Variants in PKHD1 observed in about 807,000 individuals in gnomAD.
PKHD1 encodes the protein fibrocystin.
Under a neutral mutation model 412.0 loss-of-function variants are expected in PKHD1, and 291 were observed. The ratio of observed to expected loss-of-function variants is 0.71; its 90% CI spans 0.64 to 0.78. The LOEUF is 0.78. PKHD1 is among the 30% of genes least tolerant of loss of function. The pLI, the probability that PKHD1 is intolerant of heterozygous loss-of-function variation, is 0.00. For synonymous variants in PKHD1, 1,777 were observed against 1,821.5 expected (o/e 0.98, Z 0.62); for missense variants, 4,825 against 4,950.7 (o/e 0.97, Z 0.76).
Position 52,065,988 on chromosome 6 carries a change from C to T in PKHD1, c.868G>A (p.Val290Ile), listed in dbSNP as rs773123823. ...TGDFFDNSAQ[V>I]TIAGIPCDIR... ...TCATCATAGTTACCTGCAATGGTAACCTGGGCAGAATTGTCAAAAAAGTCT... is the reference window on the plus strand; with the variant it reads ...TCATCATAGTTACCTGCAATGGTAATCTGGGCAGAATTGTCAAAAAAGTCT... The change falls in exon 12 of 67, where the codon GTT becomes ATT. Residue 290 changes from valine to isoleucine, a missense_variant. Physicochemically the swap from Val to Ile is conservative, Grantham distance 29. Transcript: ENST00000371117. The T allele has an allele frequency of 1.7e-5, 26 of 1,546,894 alleles. No homozygotes were observed. The Admixed American group carries it at 4.0e-4, about 24-fold the overall frequency.
chr6:51,814,726 G>A (rs2151418967), intron 52 of PKHD1, among the ~76,000 whole-genome samples: 1 of 152,324 alleles, frequency 6.6e-6, no homozygotes, highest in East Asian at 1.9e-4. Context: ...GGTGTGGGAG[G>A]AGGGAGGAGG....
intron 49 of PKHD1, among the ~76,000 whole-genome samples, chr6:51,853,094 C>G (rs372889738): frequency 1.3e-5 from 2 of 152,098 alleles, no homozygotes; most frequent in African/African-American, 4.8e-5. Flanking sequence ...TCTTGCAGGG[C>G]AGGTCTGGTG....
At chr6:52,085,762 C>G (rs1170582193) in intron 1 of PKHD1, among the ~76,000 whole-genome samples, 2 of 152,106 alleles carry the variant, frequency 1.3e-5, no homozygotes, top group Non-Finnish European at 2.9e-5. Context: ...AGGTCCCACA[C>G]AGCGCTCAGT....
chr6:51,934,908 A>G (rs1287182907), intron 36 of PKHD1, among the ~76,000 whole-genome samples: 1 of 152,168 alleles, frequency 6.6e-6, no homozygotes, highest in Non-Finnish European at 1.5e-5. Flanking sequence ...AGAGTCACAT[A>G]CTCGGGCTTT....
At chr6:52,066,325 C>A (rs1809698166) in intron 11 of PKHD1, among the ~76,000 whole-genome samples, 1 of 152,068 alleles carries the variant, frequency 6.6e-6, no homozygotes, top group South Asian at 2.1e-4. Flanking sequence ...ATGGTATCAG[C>A]AAAAGCCCCT....
At chr6:52,080,275 T>C (rs1285052200) in intron 4 of PKHD1, among the ~76,000 whole-genome samples, 2 of 152,236 alleles carry the variant, frequency 1.3e-5, no homozygotes, top group Non-Finnish European at 2.9e-5. Flanking sequence ...CATAGGTTCA[T>C]TGGACTTTAA....
chr6:51,636,331 G>T (rs1768563127), intron 64 of PKHD1, among the ~76,000 whole-genome samples: 1 of 151,904 alleles, frequency 6.6e-6, no homozygotes, highest in Non-Finnish European at 1.5e-5. Context: ...TGAGCCCAGG[G>T]GTTTAAGACC....
intron 53 of PKHD1, among the ~76,000 whole-genome samples, chr6:51,790,808 T>C (rs905052095): frequency 2.0e-5 from 3 of 152,220 alleles, no homozygotes; most frequent in Admixed American, 2.0e-4. Flanking sequence ...TTCAAGTCTG[T>C]TTTCCCAGGA....
chr6:51,885,801 G>A, intron 45 of PKHD1, 66 bp downstream of exon 45: 1 of 1,038,106 alleles, frequency 9.6e-7, no homozygotes, highest in Non-Finnish European at 1.5e-6. Flanking sequence ...GAATTGCTGT[G>A]AGAAAACAAG....
At chr6:51,784,794 T>C (rs1792602393) in intron 53 of PKHD1, among the ~76,000 whole-genome samples, 1 of 152,152 alleles carries the variant, frequency 6.6e-6, no homozygotes, top group Non-Finnish European at 1.5e-5. Flanking sequence ...TCGGGACCTT[T>C]GCACTAGCTC....
chr6:52,069,497 G>C lies in PKHD1; in HGVS notation c.738C>G (p.Ile246Met). 4 of 1,613,418 alleles carry C rather than the reference G, an allele frequency of 2.5e-6. No individual in the cohort carries two copies. Among genetic ancestry groups the C allele is most frequent in the Non-Finnish European group, 3.4e-6 (4 of 1,179,358 alleles). Residue 246 changes from isoleucine (I) to methionine (M), a missense_variant, in exon 11 of 67, where the codon ATC becomes ATG. Physicochemically the swap from Ile to Met is conservative, Grantham distance 10 (BLOSUM62 1). Coordinates refer to ENST00000371117, the MANE Select transcript of PKHD1 (RefSeq NM_138694.4). ...KSMVHKKAWLISAKQDLFLYQ... is the reference protein window; with the variant it reads ...KSMVHKKAWLMSAKQDLFLYQ... ...ATAGGAAAAGATCCTGTTTAGCACT[G>C]ATCAGCCATGCCTTCTTGTGGACCA...
At chr6:51,999,234 C>A (rs1798070187) in intron 35 of PKHD1, among the ~76,000 whole-genome samples, 1 of 152,186 alleles carries the variant, frequency 6.6e-6, no homozygotes, top group South Asian at 2.1e-4. Flanking sequence ...AAGGTCATTT[C>A]TATCTCCAAG....
intron 52 of PKHD1, among the ~76,000 whole-genome samples, chr6:51,808,332 A>T (rs756745821): frequency 2.0e-5 from 3 of 152,172 alleles, no homozygotes; most frequent in Admixed American, 6.5e-5. Flanking sequence ...TCTTCAGGAA[A>T]TGAAACTGGC....
chr6:51,993,106 C>T (rs1411875710), intron 35 of PKHD1, among the ~76,000 whole-genome samples: 1 of 152,240 alleles, frequency 6.6e-6, no homozygotes, highest in Non-Finnish European at 1.5e-5. Context: ...ATGGTATCTT[C>T]CCCGTGACAA....
At chr6:51,721,992 T>C in intron 60 of PKHD1, 1 of 1,613,614 alleles carries the variant, frequency 6.2e-7, no homozygotes, top group South Asian at 1.1e-5. Context: ...TCCTCTATTC[T>C]GAAATCTTCA....
intron 60 of PKHD1, among the ~76,000 whole-genome samples, chr6:51,663,621 T>C (rs182045004): frequency 6.6e-6 from 1 of 152,172 alleles, no homozygotes; most frequent in South Asian, 2.1e-4. Flanking sequence ...CTGATTGATA[T>C]GTAATGTCCT....
Position 52,033,301 on chromosome 6 carries a change from T to C in PKHD1, c.3229-136A>G, listed in dbSNP as rs1581856692. On this transcript the variant is annotated intron_variant, in intron 28 of 66. Transcript: ENST00000371117. ...TGTTCCTAAAGGGTATATTTCCTAC[T>C]TCCAAGTCTCTCTCTTCTCTACAAC... The C allele has an allele frequency of 4.1e-6, 3 of 731,146 alleles. No homozygotes were observed. In the East Asian group the frequency reaches 8.1e-5, roughly 20 times the overall value. The allele number at this position is 731,146 out of a possible 1,614,324, so 45.3% of individuals were successfully genotyped here.
intron 46 of PKHD1, among the ~76,000 whole-genome samples, chr6:51,872,623 G>A (rs1272392892): frequency 1.3e-5 from 2 of 152,042 alleles, no homozygotes; most frequent in African/African-American, 4.8e-5. Context: ...TGGCCAGGCA[G>A]GTCTCCAACC....
intron 35 of PKHD1, among the ~76,000 whole-genome samples, chr6:51,986,657 G>A (rs866501728): frequency 6.6e-6 from 1 of 152,240 alleles, no homozygotes; most frequent in Non-Finnish European, 1.5e-5. Flanking sequence ...AAAAGCCTTC[G>A]CAATGTTTTA....
Sources: gnomAD v4.1 joint callset for allele counts (sites outside exome capture counted in the v4.1 genomes callset) on GRCh38, gnomAD v4.1.1 for gene constraint, MANE v1.5 for transcripts, NCBI Gene and HGNC (gene_info 2026-07-23, HGNC 2026-07-21) for gene names.